Variants in PNPLA5 observed in about 807,000 individuals in gnomAD.
PNPLA5 encodes patatin-like phospholipase domain-containing protein 5.
In PNPLA5, 44 loss-of-function variants were observed where a neutral mutation model predicts 49.1. That is an observed-to-expected ratio of 0.90 (90% confidence interval 0.70 to 1.15). The LOEUF (loss-of-function observed/expected upper bound fraction) is 1.15. Ranked by LOEUF, PNPLA5 falls within the 50% of genes most tolerant of loss-of-function variation. The pLI, the probability that PNPLA5 is intolerant of heterozygous loss-of-function variation, is 0.00. For missense variants in PNPLA5, 603 were observed against 564.0 expected (o/e 1.07, Z -0.70); for synonymous variants, 243 against 244.4 (o/e 0.99, Z 0.06).
chr22:43,881,625 C>T lies in PNPLA5; in HGVS notation c.1132G>A (p.Gly378Ser), dbSNP rs1340021555. The change falls in exon 8 of 9, where the codon GGC (glycine) becomes AGC (serine). Residue 378 changes from glycine (G) to serine (S), a missense_variant. Gly to Ser is a moderately conservative substitution (Grantham distance 56, BLOSUM62 0). Transcript: ENST00000216177. The stretch of plus-strand genomic sequence containing the variant: ...TCGAGGGCCATGTTCCTCAGCAGGC[C>T]CTGCATCCACCACAAGTCCGCCGGC... ...DVPADLWWMQGLLRNMALEVF... is the reference protein window; with the variant it reads ...DVPADLWWMQSLLRNMALEVF... 2 of 1,613,490 alleles carry T rather than the reference C, an allele frequency of 1.2e-6. No individual in the cohort carries two copies. The highest frequency in any genetic ancestry group is 2.7e-5 in the African/African-American group (2 of 74,928).
chr22:43,889,761 T>G, intron 3 of PNPLA5, 38 bp downstream of exon 3: 5 of 1,601,006 alleles, frequency 3.1e-6, no homozygotes, highest in Non-Finnish European at 4.3e-6. Flanking sequence ...CACCCCAGGC[T>G]GCCCAGAGCA....
chr22:43,889,955 C>A (rs1316445956), intron 2 of PNPLA5, 91 bp from the exon 3 acceptor site: 11 of 1,537,586 alleles, frequency 7.2e-6, no homozygotes, highest in Non-Finnish European at 9.7e-6. Flanking sequence ...CAACAGCCTG[C>A]AAAGGAGGTG....
rs1480269667 is a variant in PNPLA5, at chr22:43,891,165, G to C, written c.323C>G (p.Ala108Gly). Residue 108 changes from alanine to glycine, a missense_variant, in exon 2 of 9, where the codon GCC becomes GGC. Physicochemically the swap from Ala to Gly is moderately conservative, Grantham distance 60. Transcript: ENST00000216177. ...QQLQDALPPD[A>G]HVLASQRLGI... Reference sequence around the variant, plus strand: ...CAGCCGCTGGGAGGCCAGGACGTGGGCGTCGGGGGGCAGAGCATCCTGCAG... The same window carrying C: ...CAGCCGCTGGGAGGCCAGGACGTGGCCGTCGGGGGGCAGAGCATCCTGCAG... 16 of 1,599,794 alleles carry C rather than the reference G, an allele frequency of 1.0e-5. No homozygotes were observed. Among genetic ancestry groups the C allele is most frequent in the Non-Finnish European group, 1.3e-5 (15 of 1,170,948 alleles).
Position 43,881,624 on chromosome 22 carries a change from C to T in PNPLA5, c.1133G>A (p.Gly378Asp), listed in dbSNP as rs771692197. 1.2e-6 allele frequency: 2 copies of T among 1,613,598 alleles called. No homozygotes were observed. ...CTCGAGGGCCATGTTCCTCAGCAGGCCCTGCATCCACCACAAGTCCGCCGG... is the reference window on the plus strand; with the variant it reads ...CTCGAGGGCCATGTTCCTCAGCAGGTCCTGCATCCACCACAAGTCCGCCGG... ...DVPADLWWMQ[G>D]LLRNMALEVF... is the part of the protein sequence containing the mutation. The change falls in exon 8 of 9, where the codon GGC becomes GAC. Residue 378 changes from glycine (G) to aspartate (D), a missense_variant. Physicochemically the swap from Gly to Asp is moderately conservative, Grantham distance 94. Transcript: ENST00000216177.
intron 8 of PNPLA5, 41 bp from the exon 9 acceptor site, chr22:43,880,926 C>T (rs371238300): frequency 2.0e-4 from 261 of 1,307,526 alleles, no homozygotes; most frequent in Non-Finnish European, 2.4e-4. Flanking sequence ...GCCTGGGGCT[C>T]GGGAAGGGTA....
At chr22:43,887,675 G>A (rs769190812) in intron 4 of PNPLA5, 24 bp from the exon 5 acceptor site, 3 of 1,591,396 alleles carry the variant, frequency 1.9e-6, no homozygotes, top group South Asian at 1.1e-5. Flanking sequence ...GGGCAAGGGT[G>A]AGATGGGCAA....
chr22:43,889,644 C>A, intron 3 of PNPLA5, 106 bp from the exon 4 acceptor site: 1 of 1,528,752 alleles, frequency 6.5e-7, no homozygotes, highest in Non-Finnish European at 8.8e-7. Context: ...CAGGGCCACT[C>A]CAGCCCAGGA....
At chr22:43,880,998 C>G (rs1460160698) in intron 8 of PNPLA5, 113 bp from the exon 9 acceptor site, 1 of 1,241,948 alleles carries the variant, frequency 8.1e-7, no homozygotes, top group African/African-American at 1.5e-5. Context: ...CCCCCAAATC[C>G]TGCTCTGAGG....
chr22:43,890,587 A>G (rs1326649136), intron 2 of PNPLA5, among the ~76,000 whole-genome samples: 3 of 152,310 alleles, frequency 2.0e-5, no homozygotes, highest in East Asian at 3.9e-4. Flanking sequence ...AGATGAGTTC[A>G]TTATCGATAC....
In PNPLA5 at chr22:43,891,727, C is replaced by A. The variant is rs764399215; in HGVS notation, c.154G>T (p.Ala52Ser). The A allele has an allele frequency of 8.4e-6, 13 of 1,547,862 alleles. No individual in the cohort carries two copies. The highest frequency in any genetic ancestry group is 1.0e-5 in the Non-Finnish European group (12 of 1,146,016). Residue 52 changes from alanine (A) to serine (S), a missense_variant, in exon 1 of 9, where the codon GCG (alanine) becomes TCG (serine). By Grantham distance (99) the Ala-to-Ser change is moderately conservative. Coordinates refer to ENST00000216177, the MANE Select transcript of PNPLA5 (RefSeq NM_138814.4). ...CAGACGATGCTGACTGCGTTGAGCG[C>A]CCCAGACGAGGAACCGTAGATGCGG... ...ARRIYGSSSG[A>S]LNAVSIVCGK...
rs1011081773 is a variant in PNPLA5 at position 43,881,437 on chromosome 22, G to A, written c.1199+121C>T. On this transcript the variant is annotated intron_variant, in intron 8 of 8. Coordinates refer to ENST00000216177, the MANE Select transcript of PNPLA5 (RefSeq NM_138814.4). ...GGCTGCATGAGTAGGCCAGAGGGAC[G>A]CAGGTAAGCAGGTGGGCAGGCAGAT... 1.5e-5 allele frequency: 15 copies of A among 1,000,770 alleles called. No individual in the cohort carries two copies. The African/African-American group carries it at 1.8e-4, about 12-fold the overall frequency. The allele number at this position is 1,000,770 out of a possible 1,614,324, so 62.0% of individuals were successfully genotyped here.
rs112428883 is a variant in PNPLA5, at chr22:43,887,316, A to T, written c.763+275T>A. ...AGTCCAATGCCTCCTCTGGACTCCC[A>T]CAGCCTTGAGCATCCCTCTGTCACT... On this transcript the variant is annotated intron_variant, in intron 5 of 8. Coordinates refer to ENST00000216177, the MANE Select transcript of PNPLA5 (RefSeq NM_138814.4). Among the ~76,000 whole-genome samples, 897 of 152,200 alleles carry T rather than the reference A, an allele frequency of 5.9e-3. 17 individuals carry two copies. Among genetic ancestry groups the T allele is most frequent in the African/African-American group, 0.021 (852 of 41,508 alleles).
rs182275858 is a variant in PNPLA5, at chr22:43,885,151, T to G, written c.950-806A>C. On this transcript the variant is annotated intron_variant, in intron 6 of 8. Coordinates refer to ENST00000216177, the MANE Select transcript of PNPLA5 (RefSeq NM_138814.4). ...GGGCGCAGCGCCCAGGAGTTGGTGC[T>G]CCACCCGAGGCAGCTCTCTGGTGCC... Among the ~76,000 whole-genome samples the G allele has an allele frequency of 1.1e-3, 161 of 152,322 alleles. 1 individual carries two copies. Among genetic ancestry groups the G allele is most frequent in the Middle Eastern group, 3.4e-3 (1 of 294 alleles).
chr22:43,887,534 G>A, intron 5 of PNPLA5, 57 bp downstream of exon 5: 1 of 1,577,730 alleles, frequency 6.3e-7, no homozygotes, highest in Non-Finnish European at 8.6e-7. Context: ...CAAGAGGCAG[G>A]GTCTACCTGG....
chr22:43,885,384 C>T (rs1007914115), intron 6 of PNPLA5, among the ~76,000 whole-genome samples: 4 of 151,524 alleles, frequency 2.6e-5, no homozygotes, highest in Admixed American at 2.6e-4. Flanking sequence ...CCCCTTCAGC[C>T]TCTTCCCACC....
intron 1 of PNPLA5, 93 bp downstream of exon 1, chr22:43,891,595 C>T: frequency 7.0e-7 from 1 of 1,419,784 alleles, no homozygotes; most frequent in Non-Finnish European, 9.3e-7. Flanking sequence ...GTAGAGGGCG[C>T]AGAGCACAGC....
At position 43,889,407 on chromosome 22, in the gene PNPLA5, G is replaced by A. The variant is rs367551416; in HGVS notation, c.624C>T (p.Asn208=). Residue 208 remains asparagine (N), a synonymous_variant, in exon 4 of 9, where the codon AAC becomes AAT. Coordinates refer to ENST00000216177, the MANE Select transcript of PNPLA5 (RefSeq NM_138814.4). ...QSTSPNLHEL[N]VFNFSFQIST... is the part of the protein sequence containing the mutation. ...AGATTTGGAAGCTGAAGTTGAAGAC[G>A]TTCAGCTCATGCAGGTTGGGGGAGG... 9.3e-6 allele frequency: 15 copies of A among 1,613,942 alleles called. No individual in the cohort carries two copies. Among genetic ancestry groups the A allele is most frequent in the Admixed American group, 3.3e-5 (2 of 60,004 alleles).
chr22:43,883,834 A>C (rs934276924), intron 7 of PNPLA5, among the ~76,000 whole-genome samples: 9 of 152,062 alleles, frequency 5.9e-5, no homozygotes, highest in African/African-American at 2.2e-4. Context: ...AAAGAAAAGA[A>C]AGAAAAGAGA....
intron 7 of PNPLA5, 88 bp downstream of exon 7, chr22:43,884,125 C>A: frequency 1.6e-6 from 2 of 1,272,864 alleles, no homozygotes; most frequent in Non-Finnish European, 2.1e-6. Flanking sequence ...GAGCCCTACC[C>A]ACCCAGTGTG....
Sources: allele counts gnomAD v4.1 joint callset (sites outside exome capture counted in the v4.1 genomes callset), GRCh38; gene constraint gnomAD v4.1.1; transcripts MANE v1.5; gene names NCBI Gene and HGNC (gene_info 2026-07-23, HGNC 2026-07-21).